Variants in MCU observed in about 807,000 individuals in gnomAD.
The protein encoded by MCU is calcium uniporter protein, mitochondrial.
Under a neutral mutation model 45.2 loss-of-function variants are expected in MCU, and 12 were observed. The ratio of observed to expected loss-of-function variants is 0.27; its 90% CI spans 0.17 to 0.43. The LOEUF (loss-of-function observed/expected upper bound fraction) is 0.43. MCU is among the 20% of genes least tolerant of loss of function. The pLI is 1.00. For missense variants in MCU, 324 were observed against 436.7 expected, an observed-to-expected ratio of 0.74 and a Z score of 2.30; for synonymous variants, 160 against 165.1, an observed-to-expected ratio of 0.97 and a Z score of 0.24.
chr10:72,865,365 A>C (rs1316292801), intron 4 of MCU, among the ~76,000 whole-genome samples: 1 of 152,220 alleles, frequency 6.6e-6, no homozygotes, highest in African/African-American at 2.4e-5. Context: ...GTGTGAACTT[A>C]AGTAATTCAA....
chr10:72,752,981 C>T (rs911912582), intron 1 of MCU, among the ~76,000 whole-genome samples: 8 of 152,160 alleles, frequency 5.3e-5, no homozygotes, highest in African/African-American at 1.9e-4. Context: ...CTGCTGGTTT[C>T]TGCATGACAT....
At chr10:72,745,532 A>C (rs967547615) in intron 1 of MCU, among the ~76,000 whole-genome samples, 20 of 152,158 alleles carry the variant, frequency 1.3e-4, no homozygotes, top group Non-Finnish European at 2.9e-4. Context: ...CCCGGCCACT[A>C]TTTGGTATTT....
chr10:72,861,655 AATT>A, intron 4 of MCU: 1 of 372,410 alleles, frequency 2.7e-6, no homozygotes, highest in South Asian at 2.0e-5. Flanking sequence ...CCGCCAGGCT[AATT>A]TTTTTTTTTT....
chr10:72,777,226 A>G (rs1001694496), intron 1 of MCU, among the ~76,000 whole-genome samples: 3 of 152,358 alleles, frequency 2.0e-5, no homozygotes, highest in Admixed American at 1.3e-4. Context: ...TGGAATTACA[A>G]AAGACCTTGG....
At chr10:72,772,635 TG>T (rs1843828609) in intron 1 of MCU, among the ~76,000 whole-genome samples, 1 of 152,158 alleles carries the variant, frequency 6.6e-6, no homozygotes, top group African/African-American at 2.4e-5. Flanking sequence ...AGGCAGAGGT[TG>T]CAATGAGCTG....
intron 1 of MCU, among the ~76,000 whole-genome samples, chr10:72,714,109 G>A (rs866396938): frequency 6.6e-6 from 1 of 151,572 alleles, no homozygotes; most frequent in African/African-American, 2.4e-5. Flanking sequence ...TGGGATTACA[G>A]GTGTGCTCTA....
chr10:72,858,760 T>C (rs1845332035), intron 2 of MCU, among the ~76,000 whole-genome samples: 1 of 152,200 alleles, frequency 6.6e-6, no homozygotes, highest in Non-Finnish European at 1.5e-5. Flanking sequence ...GTCTCACTTA[T>C]TAGTGTACTT....
At chr10:72,768,686 T>G (rs1252006649) in intron 1 of MCU, among the ~76,000 whole-genome samples, 1 of 152,224 alleles carries the variant, frequency 6.6e-6, no homozygotes. Flanking sequence ...ACACTGTTAT[T>G]TATTAGCAGT....
At chr10:72,766,403 T>G (rs1843727106) in intron 1 of MCU, among the ~76,000 whole-genome samples, 1 of 152,186 alleles carries the variant, frequency 6.6e-6, no homozygotes, top group South Asian at 2.1e-4. Context: ...AGCTTTTCTT[T>G]TAATGGCCTT....
chr10:72,878,950 A>C (rs1377390434), intron 6 of MCU, among the ~76,000 whole-genome samples: 1 of 152,174 alleles, frequency 6.6e-6, no homozygotes, highest in African/African-American at 2.4e-5. Context: ...AAGAATCCCA[A>C]CCAATACCAG....
At chr10:72,776,794 G>A (rs575412907) in intron 1 of MCU, among the ~76,000 whole-genome samples, 35 of 152,138 alleles carry the variant, frequency 2.3e-4, no homozygotes, top group Non-Finnish European at 3.5e-4. Flanking sequence ...GTTCACAGAT[G>A]ACATGATCTC....
chr10:72,876,947 G>C (rs1273250819), intron 6 of MCU, among the ~76,000 whole-genome samples: 7 of 146,484 alleles, frequency 4.8e-5, no homozygotes, highest in African/African-American at 1.5e-4. Context: ...TTTGAGACAG[G>C]GTTTTACTCT....
At chr10:72,769,255 A>G (rs1346748482) in intron 1 of MCU, among the ~76,000 whole-genome samples, 2 of 152,214 alleles carry the variant, frequency 1.3e-5, no homozygotes, top group African/African-American at 2.4e-5. Context: ...TTTGTTGTCA[A>G]AGGGTTTTAG....
At chr10:72,787,086 C>A (rs1844083372) in intron 1 of MCU, among the ~76,000 whole-genome samples, 1 of 152,148 alleles carries the variant, frequency 6.6e-6, no homozygotes, top group Admixed American at 6.5e-5. Flanking sequence ...AAATTATTTT[C>A]ATGTTAAGCT....
intron 2 of MCU, among the ~76,000 whole-genome samples, chr10:72,858,144 G>T (rs1845320786): frequency 6.6e-6 from 1 of 152,076 alleles, no homozygotes; most frequent in Non-Finnish European, 1.5e-5. Context: ...TGAGGAAGAG[G>T]CAAAAAGAAC....
intron 1 of MCU, among the ~76,000 whole-genome samples, chr10:72,778,964 T>C (rs1229835087): frequency 6.6e-6 from 1 of 151,938 alleles, no homozygotes; most frequent in Non-Finnish European, 1.5e-5. Context: ...AATTCAGAAG[T>C]ATATTTTCTT....
At chr10:72,773,334 A>G (rs1300020129) in intron 1 of MCU, among the ~76,000 whole-genome samples, 1 of 151,498 alleles carries the variant, frequency 6.6e-6, no homozygotes, top group Non-Finnish European at 1.5e-5. Flanking sequence ...AATGAAAAAC[A>G]CATTTGCTTA....
At chr10:72,843,296 T>A (rs1352308524) in intron 2 of MCU, among the ~76,000 whole-genome samples, 1 of 152,220 alleles carries the variant, frequency 6.6e-6, no homozygotes, top group Non-Finnish European at 1.5e-5. Flanking sequence ...TCCTCTGTGC[T>A]CTATCTATTC....
At chr10:72,717,092 A>G (rs1842963720) in intron 1 of MCU, among the ~76,000 whole-genome samples, 2 of 151,010 alleles carry the variant, frequency 1.3e-5, no homozygotes, top group South Asian at 4.2e-4. Context: ...TACTATTTGA[A>G]AGGTGCACAG....
Sources: gnomAD v4.1 joint callset for allele counts (sites outside exome capture counted in the v4.1 genomes callset) on GRCh38, gnomAD v4.1.1 for gene constraint, MANE v1.5 for transcripts, NCBI Gene and HGNC (gene_info 2026-07-23, HGNC 2026-07-21) for gene names.